The following PPP6R2 variants were observed in gnomAD, a reference collection of about 807,000 sequenced individuals.
PPP6R2 encodes the protein protein phosphatase 6 regulatory subunit 2.
PPP6R2 carries 62 observed loss-of-function variants against 100.2 expected under a neutral mutation model. The observed-to-expected ratio is 0.62, with a 90% CI of 0.50 to 0.76. The LOEUF is 0.76. Ranked by LOEUF, PPP6R2 falls within the 30% of genes least tolerant of loss-of-function variation. The pLI is 0.00. For synonymous variants in PPP6R2, 525 were observed against 514.7 expected (o/e 1.02, Z -0.27); for missense variants, 1,142 against 1,276.3 (o/e 0.89, Z 1.60).
chr22:50,411,751 CAAACAA>C (rs2059772960), intron 4 of PPP6R2, among the ~76,000 whole-genome samples: 1 of 145,084 alleles, frequency 6.9e-6, no homozygotes, highest in South Asian at 2.2e-4. Context: ...GAGACTGTCT[CAAACAA>C]AAACAAGGCC....
intron 10 of PPP6R2, among the ~76,000 whole-genome samples, chr22:50,427,188 CA>C (rs201158855): frequency 0.26 from 24,778 of 94,436 alleles, 2,381 homozygotes; most frequent in East Asian, 0.42. Flanking sequence ...GATTCCATCT[CA>C]AAAAAAAAAA....
rs1188015691 is a variant in PPP6R2 at position 50,435,166 on chromosome 22, G to A, written c.1516+85G>A. 1.7e-5 allele frequency: 20 copies of A among 1,153,234 alleles called. 1 individual carries two copies. The highest frequency in any genetic ancestry group is 1.6e-4 in the South Asian group (10 of 61,558). 71.4% of individuals were successfully genotyped at this position (1,153,234 alleles called of 1,614,324 possible). On this transcript the variant is annotated intron_variant, in intron 13 of 23. Transcript: ENST00000612753. The stretch of plus-strand genomic sequence containing the variant: ...TGCCGCCTGAGACTAAGCTCTGCCC[G>A]GCAGCAGGTGCTGACTGCACTGACA...
intron 3 of PPP6R2, among the ~76,000 whole-genome samples, chr22:50,404,486 G>A (rs1344545334): frequency 2.0e-5 from 3 of 151,688 alleles, no homozygotes; most frequent in African/African-American, 7.3e-5. Flanking sequence ...TGCCTCCCGG[G>A]CTCAAGCCAT....
In PPP6R2 at chr22:50,424,104, C is replaced by T. The variant is rs571122744; in HGVS notation, c.1125+490C>T. Among the ~76,000 whole-genome samples the T allele has an allele frequency of 2.2e-4, 33 of 152,280 alleles. No individual in the cohort carries two copies. The East Asian group carries it at 5.0e-3, about 23-fold the overall frequency. On this transcript the variant is annotated intron_variant, in intron 10 of 23. Transcript: ENST00000612753. ...GTGGCTGAGGAGAGGAAGGGGCAGGCGGTGCTGGCAAGTAGTGCCAGTGAG... is the reference window on the plus strand; with the variant it reads ...GTGGCTGAGGAGAGGAAGGGGCAGGTGGTGCTGGCAAGTAGTGCCAGTGAG...
intron 1 of PPP6R2, among the ~76,000 whole-genome samples, chr22:50,350,844 C>CA (rs532536985): frequency 1.6e-3 from 202 of 125,654 alleles, no homozygotes; most frequent in East Asian, 3.3e-3. Context: ...GACTCCGTCT[C>CA]AAAAAAAAAA....
At chr22:50,438,859 AT>A in intron 19 of PPP6R2, 97 bp downstream of exon 19, 1 of 1,266,632 alleles carries the variant, frequency 7.9e-7, no homozygotes, top group Non-Finnish European at 1.1e-6. Context: ...GAGCTGAGGC[AT>A]TTGGGGCTCA....
intron 2 of PPP6R2, among the ~76,000 whole-genome samples, chr22:50,380,114 G>A (rs549984084): frequency 6.6e-6 from 1 of 152,296 alleles, no homozygotes; most frequent in Non-Finnish European, 1.5e-5. Flanking sequence ...TCTGGTAAGA[G>A]TTTCAGGCTG....
intron 8 of PPP6R2, among the ~76,000 whole-genome samples, chr22:50,420,245 C>G (rs115812776): frequency 6.6e-6 from 1 of 152,106 alleles, no homozygotes; most frequent in African/African-American, 2.4e-5. Context: ...CCTGAGAGGC[C>G]GCATCTGGTC....
chr22:50,406,890 A>G lies in PPP6R2; in HGVS notation c.414+15A>G. The G allele has an allele frequency of 6.2e-7, 1 of 1,608,288 alleles. No homozygotes were observed. On this transcript the variant is annotated intron_variant, in intron 4 of 23. Transcript: ENST00000612753. The stretch of plus-strand genomic sequence containing the variant: ...AAACCGAACAGGTAAATCACGTGCA[A>G]AGCCTCCGTGACTTGGGGCACCGTC...
chr22:50,417,917 CAG>C (rs1370820034), intron 6 of PPP6R2, among the ~76,000 whole-genome samples: 3 of 152,170 alleles, frequency 2.0e-5, no homozygotes, highest in East Asian at 1.9e-4. Flanking sequence ...TGCAGGGAGT[CAG>C]GGGTTGTTTC....
chr22:50,358,865 T>G (rs982872020), intron 1 of PPP6R2, among the ~76,000 whole-genome samples: 1 of 152,166 alleles, frequency 6.6e-6, no homozygotes. Context: ...TAATTAAACA[T>G]GTCTGCAGGC....
intron 4 of PPP6R2, among the ~76,000 whole-genome samples, chr22:50,409,522 G>A (rs1048185181): frequency 4.6e-5 from 7 of 152,082 alleles, no homozygotes; most frequent in African/African-American, 1.7e-4. Context: ...CCGCCTCCCG[G>A]GTTCCAGCGA....
chr22:50,369,469 G>T (rs1297604027), intron 1 of PPP6R2, among the ~76,000 whole-genome samples: 1 of 151,758 alleles, frequency 6.6e-6, no homozygotes, highest in African/African-American at 2.4e-5. Context: ...TTAGAGATGG[G>T]GTCTCACTCT....
chr22:50,351,479 A>G (rs1490211019), intron 1 of PPP6R2, among the ~76,000 whole-genome samples: 7 of 151,438 alleles, frequency 4.6e-5, no homozygotes, highest in Middle Eastern at 6.8e-3. Context: ...CTGTCTAGCT[A>G]TGAAAATCCT....
intron 13 of PPP6R2, 84 bp downstream of exon 13, chr22:50,435,165 C>A: frequency 8.5e-7 from 1 of 1,171,736 alleles, no homozygotes; most frequent in Non-Finnish European, 1.2e-6. Context: ...AAGCTCTGCC[C>A]GGCAGCAGGT....
chr22:50,407,344 C>CA (rs67860864), intron 4 of PPP6R2: 61,453 of 158,112 alleles, frequency 0.39, 12,546 homozygotes, highest in East Asian at 0.73. Context: ...GAGACTGTCT[C>CA]AAAAAAAAGA....
chr22:50,395,933 AC>A (rs1378292306), intron 3 of PPP6R2, among the ~76,000 whole-genome samples: 1 of 149,834 alleles, frequency 6.7e-6, no homozygotes, highest in Non-Finnish European at 1.5e-5. Context: ...CGTGGCTCAT[AC>A]CTGTAATCCC....
intron 1 of PPP6R2, among the ~76,000 whole-genome samples, chr22:50,355,087 C>T (rs1307045394): frequency 2.0e-5 from 3 of 151,962 alleles, no homozygotes; most frequent in Admixed American, 1.3e-4. Context: ...AAGCGATCCT[C>T]CCACCTCAGC....
intron 4 of PPP6R2, among the ~76,000 whole-genome samples, chr22:50,408,669 G>A (rs1294088103): frequency 1.3e-5 from 2 of 152,156 alleles, no homozygotes; most frequent in African/African-American, 4.8e-5. Flanking sequence ...GTGACTAGAT[G>A]CATGTATCTC....
Sources: gnomAD v4.1 joint callset for allele counts (sites outside exome capture counted in the v4.1 genomes callset) on GRCh38, gnomAD v4.1.1 for gene constraint, MANE v1.5 for transcripts, NCBI Gene and HGNC (gene_info 2026-07-23, HGNC 2026-07-21) for gene names.